The following ZDHHC14 variants were observed in gnomAD, a reference collection of about 807,000 sequenced individuals.
ZDHHC14 encodes the protein palmitoyltransferase ZDHHC14.
In ZDHHC14, 16 loss-of-function variants were observed where a neutral mutation model predicts 47.7. The observed-to-expected ratio is 0.34, with a 90% CI of 0.23 to 0.51. The LOEUF (loss-of-function observed/expected upper bound fraction) is 0.51. Ranked by LOEUF, ZDHHC14 falls within the 20% of genes least tolerant of loss-of-function variation. ZDHHC14 has a pLI of 0.97. For missense variants in ZDHHC14, 515 were observed against 662.5 expected (o/e 0.78, Z 2.44); for synonymous variants, 293 against 278.9 (o/e 1.05, Z -0.50).
chr6:157,592,049 G>A (rs144405015), intron 2 of ZDHHC14, among the ~76,000 whole-genome samples: 7,553 of 152,032 alleles, frequency 0.05, 564 homozygotes, highest in African/African-American at 0.16. Context: ...AGGGCTCTGA[G>A]GAGTCTAGGT....
Position 157,381,465 on chromosome 6 carries a change from G to A in ZDHHC14, c.-557G>A, listed in dbSNP as rs1347689340. 8.7e-6 allele frequency: 3 copies of A among 343,186 alleles called. No individual in the cohort carries two copies. The highest frequency in any genetic ancestry group is 1.2e-5 in the Non-Finnish European group (2 of 168,522). The allele number at this position is 343,186 out of a possible 1,614,324, so 21.3% of individuals were successfully genotyped here. ...GTCCCCACCCCTGGGAGGGGTTGCC[G>A]GTGCCGCGCGCGGCCGCCCAGTCGC... On this transcript the variant is annotated 5_prime_UTR_variant, in exon 1 of 9. Coordinates refer to ENST00000359775, the MANE Select transcript of ZDHHC14 (RefSeq NM_024630.3).
At chr6:157,645,577 C>T (rs546270470) in intron 5 of ZDHHC14, among the ~76,000 whole-genome samples, 160 bp from the exon 6 acceptor site, 28 of 152,318 alleles carry the variant, frequency 1.8e-4, no homozygotes, top group Non-Finnish European at 2.8e-4. Context: ...TCTGGTTAGA[C>T]GAAATTCCCG....
intron 1 of ZDHHC14, among the ~76,000 whole-genome samples, chr6:157,465,105 C>CTTTTTTTTT (rs772080368): frequency 2.4e-4 from 24 of 101,956 alleles, no homozygotes; most frequent in African/African-American, 4.3e-4. Context: ...TCTCTTTCTC[C>CTTTTTTTTT]TTTTTTTTTT....
chr6:157,593,154 G>A lies in ZDHHC14; in HGVS notation c.565+8G>A. The A allele has an allele frequency of 6.2e-7, 1 of 1,605,264 alleles. No individual in the cohort carries two copies. Among genetic ancestry groups the A allele is most frequent in the Non-Finnish European group, 8.5e-7 (1 of 1,175,730 alleles). Reference sequence around the variant, plus strand: ...TTTGTGATAACTGCGTAGGTGAGTAGTGCCTGGGCGGAGCCTGGCGGGAGC... The same window carrying A: ...TTTGTGATAACTGCGTAGGTGAGTAATGCCTGGGCGGAGCCTGGCGGGAGC... On this transcript the variant is annotated splice_region_variant and intron_variant, in intron 3 of 8. Transcript: ENST00000359775.
chr6:157,645,779 C>G lies in ZDHHC14; in HGVS notation c.795C>G (p.Ile265Met). ...TGTGCTTCTTCTCTGTCTGGTCCATCGTTGGCCTCTCAGGATTCCACACCT... is the reference window on the plus strand; with the variant it reads ...TGTGCTTCTTCTCTGTCTGGTCCATGGTTGGCCTCTCAGGATTCCACACCT... Reference protein sequence around the residue: ...AVVCFFSVWSIVGLSGFHTYL... With the variant: ...AVVCFFSVWSMVGLSGFHTYL... Residue 265 changes from isoleucine to methionine, a missense_variant, in exon 6 of 9, where the codon ATC becomes ATG. Ile to Met is a conservative substitution (Grantham distance 10). Transcript: ENST00000359775. 1 of 1,614,148 alleles carries G rather than the reference C, an allele frequency of 6.2e-7. No homozygotes were observed. The highest frequency in any genetic ancestry group is 1.3e-5 in the African/African-American group (1 of 75,044).
At position 157,602,641 on chromosome 6, in the gene ZDHHC14, A is replaced by G. The variant is rs369585347; in HGVS notation, c.565+9495A>G. 3.4e-4 allele frequency among the ~76,000 whole-genome samples: 51 copies of G among 152,186 alleles called. 1 individual carries two copies. The highest frequency in any genetic ancestry group is 1.1e-3 in the African/African-American group (47 of 41,538). ...ACTACCTGGGGTACTGAACGGTAGG[A>G]CAGAAGCTCAGGGATGTTCAGGGCA... On this transcript the variant is annotated intron_variant, in intron 3 of 8. Transcript: ENST00000359775.
At chr6:157,635,326 C>G (rs1330924697) in intron 5 of ZDHHC14, among the ~76,000 whole-genome samples, 2 of 152,184 alleles carry the variant, frequency 1.3e-5, no homozygotes, top group Non-Finnish European at 2.9e-5. Context: ...CCTGACAGAC[C>G]TCCCAAGTCA....
At chr6:157,630,662 T>G (rs1785654288) in intron 4 of ZDHHC14, 1 of 145,674 alleles carries the variant, frequency 6.9e-6, no homozygotes, top group Admixed American at 6.9e-5. Flanking sequence ...ACACTCATAC[T>G]AGCCATACTC....
chr6:157,614,049 C>T (rs1479473687), intron 3 of ZDHHC14, among the ~76,000 whole-genome samples: 1 of 152,214 alleles, frequency 6.6e-6, no homozygotes, highest in Non-Finnish European at 1.5e-5. Flanking sequence ...CAGTCAGCCT[C>T]GCCCAGGCTA....
At chr6:157,478,324 C>T (rs761401610) in intron 1 of ZDHHC14, among the ~76,000 whole-genome samples, 7 of 152,164 alleles carry the variant, frequency 4.6e-5, no homozygotes, top group Non-Finnish European at 8.8e-5. Flanking sequence ...AGTCACAAAT[C>T]CTCCAAGTCT....
At chr6:157,624,522 G>T (rs963184384) in intron 3 of ZDHHC14, among the ~76,000 whole-genome samples, 8 of 152,216 alleles carry the variant, frequency 5.3e-5, no homozygotes, top group African/African-American at 1.9e-4. Context: ...TGAAGCCATG[G>T]TGTCCTATGT....
At chr6:157,573,956 G>A (rs1045203116) in intron 2 of ZDHHC14, among the ~76,000 whole-genome samples, 10 of 150,238 alleles carry the variant, frequency 6.7e-5, no homozygotes, top group Non-Finnish European at 1.0e-4. Context: ...GAGAAACCTC[G>A]GGGTCGGGGG....
rs1466015381 is a variant in ZDHHC14, at chr6:157,405,878, G to A, written c.245+23612G>A. Among the ~76,000 whole-genome samples the A allele has an allele frequency of 3.9e-5, 6 of 152,214 alleles. No homozygotes were observed. In the South Asian group the frequency reaches 1.0e-3, roughly 26 times the overall value. On this transcript the variant is annotated intron_variant, in intron 1 of 8. Coordinates refer to ENST00000359775, the MANE Select transcript of ZDHHC14 (RefSeq NM_024630.3). ...TTGTAATGATTTAGTGTGATGGAGC[G>A]GGTGTGCTAACATGAAGATTAAATC...
chr6:157,637,962 C>T (rs1777063521), intron 5 of ZDHHC14, among the ~76,000 whole-genome samples: 1 of 152,172 alleles, frequency 6.6e-6, no homozygotes, highest in South Asian at 2.1e-4. Context: ...GAAAGCTCTT[C>T]ATCAGGCCCA....
At chr6:157,595,877 G>A (rs1375122009) in intron 3 of ZDHHC14, among the ~76,000 whole-genome samples, 1 of 152,210 alleles carries the variant, frequency 6.6e-6, no homozygotes, top group African/African-American at 2.4e-5. Context: ...CATGGTGGTG[G>A]TCTATGTATG....
chr6:157,590,657 G>A (rs1015055587), intron 2 of ZDHHC14, among the ~76,000 whole-genome samples: 1 of 152,232 alleles, frequency 6.6e-6, no homozygotes, highest in African/African-American at 2.4e-5. Context: ...GGGCAGTGCA[G>A]AAGGGAAATG....
chr6:157,470,857 C>T (rs1779335706), intron 1 of ZDHHC14, among the ~76,000 whole-genome samples: 1 of 152,164 alleles, frequency 6.6e-6, no homozygotes, highest in Non-Finnish European at 1.5e-5. Context: ...ACTAATAGAA[C>T]ATGGTCTTTG....
intron 1 of ZDHHC14, among the ~76,000 whole-genome samples, chr6:157,423,593 T>C (rs1778152357): frequency 6.6e-6 from 1 of 152,190 alleles, no homozygotes; most frequent in Non-Finnish European, 1.5e-5. Context: ...AACACTGAGA[T>C]TGGGTATTCT....
At chr6:157,570,276 G>C (rs1323494710) in intron 2 of ZDHHC14, among the ~76,000 whole-genome samples, 1 of 152,206 alleles carries the variant, frequency 6.6e-6, no homozygotes, top group Non-Finnish European at 1.5e-5. Flanking sequence ...CCATAGCGTG[G>C]TATCCAGTGT....
Sources: allele counts gnomAD v4.1 joint callset (sites outside exome capture counted in the v4.1 genomes callset), GRCh38; gene constraint gnomAD v4.1.1; transcripts MANE v1.5; gene names NCBI Gene and HGNC (gene_info 2026-07-23, HGNC 2026-07-21).